The following DLG2 variants were observed in gnomAD, a reference collection of about 807,000 sequenced individuals.
DLG2 encodes the protein discs large MAGUK scaffold protein 2.
DLG2 carries 45 observed loss-of-function variants against 132.5 expected under a neutral mutation model. That is an observed-to-expected ratio of 0.34 (90% CI 0.27 to 0.44). DLG2 has a LOEUF of 0.44. Ranked by LOEUF, DLG2 falls within the 20% of genes least tolerant of loss-of-function variation. The pLI is 1.00. For synonymous variants in DLG2, 424 were observed against 419.6 expected, an observed-to-expected ratio of 1.01 and a Z score of -0.13; for missense variants, 1,045 against 1,196.9, an observed-to-expected ratio of 0.87 and a Z score of 1.87.
At chr11:84,532,883 C>T (rs1312444225) in intron 7 of DLG2, among the ~76,000 whole-genome samples, 2 of 152,100 alleles carry the variant, frequency 1.3e-5, no homozygotes. Context: ...AGTCTCTCGG[C>T]CCTGCCCTTT....
intron 5 of DLG2, among the ~76,000 whole-genome samples, chr11:85,118,098 C>T (rs2073884447): frequency 6.6e-6 from 1 of 152,084 alleles, no homozygotes; most frequent in Non-Finnish European, 1.5e-5. Flanking sequence ...GACTTCATCC[C>T]TTCCTGGGCT....
At chr11:84,511,163 G>T (rs761250723) in intron 7 of DLG2, among the ~76,000 whole-genome samples, 1 of 151,816 alleles carries the variant, frequency 6.6e-6, no homozygotes, top group Non-Finnish European at 1.5e-5. Flanking sequence ...ATAAAGAGAG[G>T]ATTATAGTGC....
chr11:85,345,676 G>A (rs1565354651), intron 3 of DLG2, among the ~76,000 whole-genome samples: 1 of 152,002 alleles, frequency 6.6e-6, no homozygotes, highest in Non-Finnish European at 1.5e-5. Context: ...TGCCTAAAAA[G>A]CAGCAATCAT....
intron 6 of DLG2, among the ~76,000 whole-genome samples, chr11:84,949,313 C>A (rs1004923814): frequency 2.0e-5 from 3 of 151,924 alleles, no homozygotes; most frequent in Non-Finnish European, 2.9e-5. Context: ...GGAGGCAGGG[C>A]GAGATCACAG....
At chr11:83,777,430 G>A (rs2094625948) in intron 18 of DLG2, among the ~76,000 whole-genome samples, 1 of 152,144 alleles carries the variant, frequency 6.6e-6, no homozygotes, top group Non-Finnish European at 1.5e-5. Context: ...TTGTGATTCT[G>A]ACAGTTCAAG....
intron 6 of DLG2, among the ~76,000 whole-genome samples, chr11:85,036,373 C>T (rs754225473): frequency 6.6e-5 from 10 of 152,220 alleles, no homozygotes; most frequent in African/African-American, 1.7e-4. Flanking sequence ...AGAATGTAGG[C>T]GGGATTTCAT....
At chr11:84,088,591 A>T (rs2097032961) in intron 10 of DLG2, among the ~76,000 whole-genome samples, 1 of 152,176 alleles carries the variant, frequency 6.6e-6, no homozygotes, top group African/African-American at 2.4e-5. Flanking sequence ...GTGTAACATA[A>T]TACTAAATTG....
intron 6 of DLG2, among the ~76,000 whole-genome samples, chr11:84,940,886 T>C (rs1393146016): frequency 2.0e-5 from 3 of 152,238 alleles, no homozygotes; most frequent in Non-Finnish European, 2.9e-5. Context: ...CTTTCATCCA[T>C]TTTGAATTGC....
intron 7 of DLG2, 101 bp from the exon 8 acceptor site, chr11:84,251,392 T>C: frequency 4.7e-6 from 4 of 859,960 alleles, no homozygotes; most frequent in South Asian, 1.9e-5. Context: ...AGGCATTTCT[T>C]GAGGACCTCT....
At chr11:85,120,870 A>G (rs1485791304) in intron 5 of DLG2, among the ~76,000 whole-genome samples, 3 of 152,026 alleles carry the variant, frequency 2.0e-5, no homozygotes, top group Admixed American at 1.3e-4. Context: ...GTGGTATAAT[A>G]GATTATTCTA....
chr11:83,607,028 A>T (rs1566026889), intron 19 of DLG2, among the ~76,000 whole-genome samples: 1 of 152,268 alleles, frequency 6.6e-6, no homozygotes, highest in African/African-American at 2.4e-5. Context: ...CTCCTGAGAC[A>T]CAGCGGGCTC....
At chr11:85,138,222 A>G (rs760781694) in intron 5 of DLG2, among the ~76,000 whole-genome samples, 1 of 152,136 alleles carries the variant, frequency 6.6e-6, no homozygotes, top group East Asian at 1.9e-4. Flanking sequence ...CCCAGTTATT[A>G]TCATCATCAA....
intron 6 of DLG2, among the ~76,000 whole-genome samples, chr11:84,847,766 C>G (rs1412724303): frequency 2.6e-5 from 4 of 152,114 alleles, no homozygotes; most frequent in Admixed American, 6.5e-5. Context: ...GTAAGATTCT[C>G]AATGATATTG....
rs1354092481 is a variant in DLG2 at position 84,040,180 on chromosome 11, CTCTGATGGTAG to C, written c.919+19124_919+19134del. Among the ~76,000 whole-genome samples, 9 of 150,518 alleles carry C rather than the reference CTCTGATGGTAG, an allele frequency of 6.0e-5. No individual in the cohort carries two copies. The East Asian group carries it at 1.8e-3, about 30-fold the overall frequency. ...TCCCATTTTGTAGGTTGCCTGTTCACTCTGATGGTAGTTTCTTTTGCTGTGCAGAAGCTCTT... is the reference window on the plus strand; with the variant it reads ...TCCCATTTTGTAGGTTGCCTGTTCACTTTCTTTTGCTGTGCAGAAGCTCTT... On this transcript the variant is annotated intron_variant, in intron 11 of 27. Coordinates refer to ENST00000376104, the MANE Select transcript of DLG2 (RefSeq NM_001142699.3).
chr11:84,240,038 A>T (rs1376047954), intron 8 of DLG2, among the ~76,000 whole-genome samples: 1 of 152,204 alleles, frequency 6.6e-6, no homozygotes. Flanking sequence ...CTTTGCATCT[A>T]GGAATGGCTT....
chr11:85,265,788 G>C (rs2077177574), intron 4 of DLG2, among the ~76,000 whole-genome samples: 1 of 152,216 alleles, frequency 6.6e-6, no homozygotes, highest in African/African-American at 2.4e-5. Flanking sequence ...ACATCAGAGA[G>C]AGGCAACTTG....
chr11:84,895,269 C>A (rs2090033769), intron 6 of DLG2, among the ~76,000 whole-genome samples: 1 of 152,024 alleles, frequency 6.6e-6, no homozygotes, highest in African/African-American at 2.4e-5. Context: ...AGTGGAACCA[C>A]ATTGATGCTA....
chr11:83,611,797 A>G (rs2060152090), intron 19 of DLG2, among the ~76,000 whole-genome samples: 1 of 152,170 alleles, frequency 6.6e-6, no homozygotes, highest in Non-Finnish European at 1.5e-5. Flanking sequence ...GGAACAGGGG[A>G]CACTGAGGGC....
At chr11:83,989,722 A>G (rs1483385) in intron 11 of DLG2, among the ~76,000 whole-genome samples, 149,659 of 152,220 alleles carry the variant, frequency 0.98, 73,576 homozygotes, top group East Asian at 1. Context: ...TTACTGATCC[A>G]AAAATTGAAG....
Sources: allele counts gnomAD v4.1 joint callset (sites outside exome capture counted in the v4.1 genomes callset), GRCh38; gene constraint gnomAD v4.1.1; transcripts MANE v1.5; gene names NCBI Gene and HGNC (gene_info 2026-07-23, HGNC 2026-07-21).